ZZEF1: variants seen among roughly 807,000 people sequenced by gnomAD.
The protein encoded by ZZEF1 is zinc finger ZZ-type and EF-hand domain containing 1.
Under a neutral mutation model 342.8 loss-of-function variants are expected in ZZEF1, and 157 were observed. The ratio of observed to expected loss-of-function variants is 0.46; its 90% confidence interval spans 0.40 to 0.52. The LOEUF is 0.52. ZZEF1 is among the 20% of genes least tolerant of loss of function. The pLI is 0.00. For synonymous variants in ZZEF1, 1,505 were observed against 1,429.1 expected, an observed-to-expected ratio of 1.05 and a Z score of -1.20; for missense variants, 3,480 against 3,725.6, an observed-to-expected ratio of 0.93 and a Z score of 1.72.
intron 28 of ZZEF1, among the ~76,000 whole-genome samples, 155 bp downstream of exon 28, chr17:4,066,292 G>T (rs950037579): frequency 1.3e-5 from 2 of 152,194 alleles, no homozygotes; most frequent in Non-Finnish European, 2.9e-5. Flanking sequence ...CTCTATTTAT[G>T]ATACATCCTT....
At chr17:4,123,480 C>T (rs1384790434) in intron 2 of ZZEF1, among the ~76,000 whole-genome samples, 1 of 151,634 alleles carries the variant, frequency 6.6e-6, no homozygotes, top group African/African-American at 2.4e-5. Context: ...AATGTGAGGA[C>T]AGAGCAGAAA....
At position 4,004,784 on chromosome 17, in the gene ZZEF1, T is replaced by TTTGG. The variant is rs2055768000; in HGVS notation, c.*2105_*2106insCCAA. 6.6e-6 allele frequency: 1 copy of TTTGG among 152,234 alleles called. No individual in the cohort carries two copies. Among genetic ancestry groups the TTTGG allele is most frequent in the Non-Finnish European group, 1.5e-5 (1 of 68,048 alleles). 9.4% of individuals were successfully genotyped at this position (152,234 alleles called of 1,614,324 possible). On this transcript the variant is annotated 3_prime_UTR_variant, in exon 55 of 55. Coordinates refer to ENST00000381638, the MANE Select transcript of ZZEF1 (RefSeq NM_015113.4). ...CTGGAAAGCGCCGGGACGCGGCGGC[T>TTTGG]CTGGCTCGGCAGCGCCACCCGGTGG...
chr17:4,027,075 T>C (rs2056423914), intron 42 of ZZEF1, among the ~76,000 whole-genome samples: 1 of 151,956 alleles, frequency 6.6e-6, no homozygotes, highest in African/African-American at 2.4e-5. Context: ...CAATGAAAAA[T>C]AGATAGCTAA....
intron 52 of ZZEF1, among the ~76,000 whole-genome samples, chr17:4,011,041 T>C (rs2055938555): frequency 6.6e-6 from 1 of 151,506 alleles, no homozygotes; most frequent in African/African-American, 2.4e-5. Flanking sequence ...GTGGCTATGA[T>C]GGTGCCACAC....
intron 20 of ZZEF1, 41 bp downstream of exon 20, chr17:4,076,827 C>T: frequency 6.2e-7 from 1 of 1,612,962 alleles, no homozygotes; most frequent in Non-Finnish European, 8.5e-7. Flanking sequence ...GACCCCCAAC[C>T]CCCTTCCGGT....
At chr17:4,055,007 G>A (rs1346456363) in intron 33 of ZZEF1, among the ~76,000 whole-genome samples, 1 of 152,184 alleles carries the variant, frequency 6.6e-6, no homozygotes, top group Non-Finnish European at 1.5e-5. Context: ...GTTGGACGAT[G>A]GTAGTGTTCA....
At position 4,017,681 on chromosome 17, in the gene ZZEF1, G is replaced by A; in HGVS notation, c.7691C>T (p.Thr2564Ile). 6.2e-7 allele frequency: 1 copy of A among 1,613,792 alleles called. No individual in the cohort carries two copies. The highest frequency in any genetic ancestry group is 8.5e-7 in the Non-Finnish European group (1 of 1,180,028). ...DQATAESNPV[T>I]QKLISSTESE... The stretch of plus-strand genomic sequence containing the variant: ...CTCTGTGCTGGAGATCAGCTTCTGG[G>A]TCACAGGGTTCGATTCAGCAGTGGC... The change falls in exon 48 of 55, where the codon ACC becomes ATC. Residue 2564 changes from threonine (T) to isoleucine (I), a missense_variant. This residue lies in a region of ZZEF1 where 1,269 missense variants were observed against 1,342.4 expected (regional missense o/e 0.95). Transcript: ENST00000381638. This position sits in a 1 kb window ranked among gnomAD's most constrained non-coding sequence, Gnocchi z 5.1.
intron 42 of ZZEF1, among the ~76,000 whole-genome samples, chr17:4,029,874 CAAAAAAAAAAAA>C: frequency 1.2e-5 from 1 of 82,282 alleles, no homozygotes; most frequent in South Asian, 4.1e-4. Context: ...AACTCCATCT[CAAAAAAAAAAAA>C]AAAAAAAAAG....
intron 21 of ZZEF1, 44 bp from the exon 22 acceptor site, chr17:4,075,473 A>G: frequency 6.3e-7 from 1 of 1,599,582 alleles, no homozygotes; most frequent in South Asian, 1.1e-5. Context: ...TTCTATCACT[A>G]GACACCTAGC....
chr17:4,098,177 G>A (rs946654103), intron 9 of ZZEF1, among the ~76,000 whole-genome samples: 1 of 149,434 alleles, frequency 6.7e-6, no homozygotes, highest in East Asian at 2.0e-4. Flanking sequence ...GGCGGAGGAT[G>A]CAGTAAGCTG....
chr17:4,040,825 C>A (rs1409503384), intron 39 of ZZEF1, among the ~76,000 whole-genome samples: 1 of 152,118 alleles, frequency 6.6e-6, no homozygotes, highest in Non-Finnish European at 1.5e-5. Flanking sequence ...GAGATCCAGT[C>A]AGGAAAAGGT....
chr17:4,074,390 A>T (rs2057568393), intron 23 of ZZEF1, 39 bp from the exon 24 acceptor site: 1 of 1,601,420 alleles, frequency 6.2e-7, no homozygotes, highest in African/African-American at 1.3e-5. Context: ...GACAGATTAG[A>T]GGAGGAGTGC....
intron 34 of ZZEF1, among the ~76,000 whole-genome samples, chr17:4,052,385 G>A (rs2057068283): frequency 6.6e-6 from 1 of 152,118 alleles, no homozygotes; most frequent in African/African-American, 2.4e-5. Flanking sequence ...ACTGCTGTTT[G>A]GTGGAAACAA....
intron 1 of ZZEF1, among the ~76,000 whole-genome samples, chr17:4,129,729 C>T (rs761873493): frequency 3.3e-5 from 5 of 151,618 alleles, no homozygotes; most frequent in East Asian, 1.9e-4. Flanking sequence ...CCCAGCTACT[C>T]GGGAGGCTGA....
chr17:4,124,169 G>GAAGAGTCCATATGTATCAACC, intron 1 of ZZEF1, 118 bp from the exon 2 acceptor site: 1 of 1,292,166 alleles, frequency 7.7e-7, no homozygotes, highest in Non-Finnish European at 1.0e-6. Context: ...GTTGCAGAGA[G>GAAGAGTCCATATGTATCAACC]AAGAGTCCAT....
chr17:4,075,219 CT>C, intron 22 of ZZEF1, 41 bp from the exon 23 acceptor site: 2 of 1,613,718 alleles, frequency 1.2e-6, no homozygotes, highest in South Asian at 2.2e-5. Context: ...TCTCTCATTG[CT>C]GACCTATTAG....
intron 39 of ZZEF1, among the ~76,000 whole-genome samples, chr17:4,039,837 G>A (rs187528428): frequency 2.8e-3 from 428 of 151,900 alleles, no homozygotes; most frequent in Middle Eastern, 6.8e-3. Flanking sequence ...GTTGAGATGG[G>A]GTTTCACTGT....
chr17:4,121,727 A>AT (rs113730635), intron 2 of ZZEF1, among the ~76,000 whole-genome samples: 1,679 of 146,758 alleles, frequency 0.011, 22 homozygotes, highest in African/African-American at 0.033. Context: ...GGAGATACAC[A>AT]TTTTTTTTTT....
In ZZEF1 at chr17:4,021,347, T is replaced by A. The variant is rs2056264807; in HGVS notation, c.7213-27A>T. On this transcript the variant is annotated intron_variant, in intron 44 of 54. Coordinates refer to ENST00000381638, the MANE Select transcript of ZZEF1 (RefSeq NM_015113.4). Reference sequence around the variant, plus strand: ...TACACAGAAAGAAAATCCAGCTGAATGTGAGCACTCAGTGGGCGGGAAGAT... The same window carrying A: ...TACACAGAAAGAAAATCCAGCTGAAAGTGAGCACTCAGTGGGCGGGAAGAT... The A allele has an allele frequency of 2.5e-6, 4 of 1,569,260 alleles. No homozygotes were observed. In the African/African-American group the frequency reaches 5.4e-5, roughly 21 times the overall value.
Sources: gnomAD v4.1 joint callset for allele counts (sites outside exome capture counted in the v4.1 genomes callset) on GRCh38, gnomAD v4.1.1 for gene constraint, gnomAD v4.1.1 regional missense constraint, Gnocchi (gnomAD v3.1) non-coding constraint, MANE v1.5 for transcripts, NCBI Gene and HGNC (gene_info 2026-07-23, HGNC 2026-07-21) for gene names.